Variants in PDE7B observed in about 807,000 individuals in gnomAD.
PDE7B encodes the protein 3',5'-cyclic-AMP phosphodiesterase 7B.
In PDE7B, 29 loss-of-function variants were observed where a neutral mutation model predicts 56.2. The ratio of observed to expected loss-of-function variants is 0.52; its 90% CI spans 0.38 to 0.70. The LOEUF is 0.70. PDE7B is among the 30% of genes least tolerant of loss of function. The probability of loss-of-function intolerance (pLI) is 0.00; values close to 1 mark genes in which losing one functional copy is unlikely to be tolerated. For synonymous variants in PDE7B, 197 were observed against 196.9 expected, an observed-to-expected ratio of 1.00 and a Z score of 0.00; for missense variants, 490 against 565.0, an observed-to-expected ratio of 0.87 and a Z score of 1.35.
In PDE7B at chr6:136,192,341, T is replaced by A. The variant is rs906837692; in HGVS notation, c.*501T>A. On this transcript the variant is annotated 3_prime_UTR_variant, in exon 13 of 13. Coordinates refer to ENST00000308191, the MANE Select transcript of PDE7B (RefSeq NM_018945.4). ...CCTTCTATTTTAATAATAATATTAT[T>A]ATAAAAATAATAAATCTTTTTAACT... 1 of 151,966 alleles carries A rather than the reference T, an allele frequency of 6.6e-6. No individual in the cohort carries two copies. The highest frequency in any genetic ancestry group is 2.4e-5 in the African/African-American group (1 of 41,320). 9.4% of individuals were successfully genotyped at this position (151,966 alleles called of 1,614,324 possible).
intron 1 of PDE7B, among the ~76,000 whole-genome samples, chr6:135,858,298 A>C (rs1369538714): frequency 6.6e-6 from 1 of 151,912 alleles, no homozygotes; most frequent in Non-Finnish European, 1.5e-5. Context: ...GATTACAGGC[A>C]TGCACCACCA....
intron 1 of PDE7B, among the ~76,000 whole-genome samples, chr6:135,895,005 TA>T (rs911756359): frequency 1.3e-5 from 2 of 152,084 alleles, no homozygotes; most frequent in Admixed American, 6.6e-5. Flanking sequence ...AAAAAGGGTT[TA>T]AGATAGGATT....
At chr6:136,045,767 G>T (rs1352341967) in intron 2 of PDE7B, among the ~76,000 whole-genome samples, 2 of 151,950 alleles carry the variant, frequency 1.3e-5, no homozygotes, top group African/African-American at 4.8e-5. Context: ...GAAATTGAAA[G>T]GTACAGGAGC....
intron 8 of PDE7B, among the ~76,000 whole-genome samples, chr6:136,156,907 T>A (rs1434331566): frequency 6.6e-6 from 1 of 152,096 alleles, no homozygotes. Context: ...ATGAAAAAAA[T>A]TTCTTTTAAA....
chr6:136,179,568 TCA>T (rs1779031023), intron 10 of PDE7B, among the ~76,000 whole-genome samples: 1 of 152,238 alleles, frequency 6.6e-6, no homozygotes, highest in Non-Finnish European at 1.5e-5. Context: ...AACTGATTTA[TCA>T]CAGAGTAATC....
At position 135,851,823 on chromosome 6, in the gene PDE7B, G is replaced by A. The variant is rs1201181295; in HGVS notation, c.-176G>A. The A allele has an allele frequency of 8.4e-6, 5 of 597,388 alleles. No individual in the cohort carries two copies. The highest frequency in any genetic ancestry group is 2.9e-5 in the Admixed American group (1 of 34,358). 37.0% of individuals were successfully genotyped at this position (597,388 alleles called of 1,614,324 possible). A position where few individuals can be genotyped will look rare whatever the true frequency, so the allele number is the denominator to read the frequency against. ...TCCTTCTTTCTCGATCTCCTTGTGTGCTTTTGTGTTTCTTTATTTCTTTTC... is the reference window on the plus strand; with the variant it reads ...TCCTTCTTTCTCGATCTCCTTGTGTACTTTTGTGTTTCTTTATTTCTTTTC... On this transcript the variant is annotated 5_prime_UTR_variant, in exon 1 of 13. Coordinates refer to ENST00000308191, the MANE Select transcript of PDE7B (RefSeq NM_018945.4).
At chr6:136,186,159 C>T (rs6914730) in intron 11 of PDE7B, among the ~76,000 whole-genome samples, 33,224 of 151,856 alleles carry the variant, frequency 0.22, 10,709 homozygotes, top group African/African-American at 0.71. Context: ...CTCACACCTG[C>T]AATCCCAACA....
intron 2 of PDE7B, among the ~76,000 whole-genome samples, chr6:136,007,103 G>C (rs905087327): frequency 1.3e-5 from 2 of 152,124 alleles, no homozygotes; most frequent in African/African-American, 2.4e-5. Flanking sequence ...AGTTTATTGG[G>C]AGTTTTTAAC....
At chr6:136,139,808 G>C (rs1778286405) in intron 3 of PDE7B, among the ~76,000 whole-genome samples, 1 of 152,168 alleles carries the variant, frequency 6.6e-6, no homozygotes, top group Non-Finnish European at 1.5e-5. Flanking sequence ...CCCACTTGTT[G>C]ATGGGGTTGT....
In PDE7B at chr6:136,057,399, C is replaced by G. The variant is rs141699886; in HGVS notation, c.83-51332C>G. ...TGAAAGTATCCTTCTATTTTTTAAT[C>G]AAACTCTCACCCATTATACATCAAA... On this transcript the variant is annotated intron_variant, in intron 2 of 12. Transcript: ENST00000308191. Among the ~76,000 whole-genome samples, 4 of 152,260 alleles carry G rather than the reference C, an allele frequency of 2.6e-5. No homozygotes were observed. The East Asian group carries it at 7.7e-4, about 29-fold the overall frequency.
chr6:136,081,124 A>T (rs1583870491), intron 2 of PDE7B, among the ~76,000 whole-genome samples: 1 of 152,316 alleles, frequency 6.6e-6, no homozygotes, highest in East Asian at 1.9e-4. Context: ...TTTCACCCTG[A>T]AGGTGATACA....
chr6:136,173,756 G>A (rs1442938537), intron 8 of PDE7B, 41 bp from the exon 9 acceptor site: 2 of 1,270,492 alleles, frequency 1.6e-6, no homozygotes, highest in South Asian at 1.2e-5. Context: ...TCAGTATCTG[G>A]CTTCCCTCTC....
chr6:136,166,744 T>G (rs540289969), intron 8 of PDE7B, among the ~76,000 whole-genome samples: 1 of 152,268 alleles, frequency 6.6e-6, no homozygotes, highest in East Asian at 1.9e-4. Context: ...AACATGAGAT[T>G]TGGCTGGGGA....
chr6:136,050,112 T>G (rs1423957304), intron 2 of PDE7B, among the ~76,000 whole-genome samples: 1 of 152,202 alleles, frequency 6.6e-6, no homozygotes. Flanking sequence ...GCCGCTCAAC[T>G]CCAGCCGAGG....
At chr6:136,051,359 G>A (rs769750807) in intron 2 of PDE7B, among the ~76,000 whole-genome samples, 1 of 152,216 alleles carries the variant, frequency 6.6e-6, no homozygotes, top group Non-Finnish European at 1.5e-5. Flanking sequence ...GTTTAGATAA[G>A]TCAGATAAGC....
At chr6:136,038,345 G>C in intron 2 of PDE7B, 1 of 1,292,108 alleles carries the variant, frequency 7.7e-7, no homozygotes, top group Non-Finnish European at 1.0e-6. Flanking sequence ...GAGGTGGACA[G>C]GCCCAGAAGG....
chr6:135,904,472 C>T (rs1182822685), intron 1 of PDE7B, among the ~76,000 whole-genome samples: 2 of 152,124 alleles, frequency 1.3e-5, no homozygotes, highest in Non-Finnish European at 2.9e-5. Context: ...CTTGAAAACC[C>T]AGAAATACTT....
At chr6:136,134,684 C>A (rs1220358822) in intron 3 of PDE7B, among the ~76,000 whole-genome samples, 80 of 149,742 alleles carry the variant, frequency 5.3e-4, no homozygotes, top group Non-Finnish European at 1.5e-5. Flanking sequence ...AACCCTGAAC[C>A]CCGGATGTCA....
intron 2 of PDE7B, among the ~76,000 whole-genome samples, chr6:135,981,689 T>G (rs1433691975): frequency 6.6e-6 from 1 of 151,346 alleles, no homozygotes; most frequent in Non-Finnish European, 1.5e-5. Context: ...CACATGGGGC[T>G]GCCATCTCCT....
Sources: gnomAD v4.1 joint callset for allele counts (sites outside exome capture counted in the v4.1 genomes callset) on GRCh38, gnomAD v4.1.1 for gene constraint, MANE v1.5 for transcripts, NCBI Gene and HGNC (gene_info 2026-07-23, HGNC 2026-07-21) for gene names.